The following SLC25A48 variants were observed in gnomAD, a reference collection of about 807,000 sequenced individuals.
SLC25A48 encodes the protein solute carrier family 25 member 48.
In SLC25A48, 29 loss-of-function variants were observed where a neutral mutation model predicts 32.2. The ratio of observed to expected loss-of-function variants is 0.90; its 90% CI spans 0.67 to 1.23. The LOEUF is 1.23. SLC25A48 is among the 50% of genes most tolerant of loss of function. SLC25A48 has a pLI of 0.00. For synonymous variants in SLC25A48, 164 were observed against 172.3 expected, an observed-to-expected ratio of 0.95 and a Z score of 0.38; for missense variants, 399 against 422.7, an observed-to-expected ratio of 0.94 and a Z score of 0.49.
chr5:135,623,285 C>T (rs1164462445), intron 1 of SLC25A48, among the ~76,000 whole-genome samples: 1 of 152,234 alleles, frequency 6.6e-6, no homozygotes, highest in Non-Finnish European at 1.5e-5. Flanking sequence ...CTCCTCTTAA[C>T]TCCCCATTTT....
chr5:135,793,847 T>A (rs1011799680), intron 3 of SLC25A48, among the ~76,000 whole-genome samples: 1 of 151,412 alleles, frequency 6.6e-6, no homozygotes, highest in Non-Finnish European at 1.5e-5. Context: ...GGATATTATT[T>A]GTAATATCAT....
At chr5:135,657,827 T>G (rs1184811959) in intron 3 of SLC25A48, among the ~76,000 whole-genome samples, 2 of 152,202 alleles carry the variant, frequency 1.3e-5, no homozygotes, top group African/African-American at 4.8e-5. Flanking sequence ...CTTCCTCTCT[T>G]TACTGTAGAC....
chr5:135,857,746 G>C (rs188316454), intron 4 of SLC25A48, among the ~76,000 whole-genome samples: 1 of 152,188 alleles, frequency 6.6e-6, no homozygotes, highest in Non-Finnish European at 1.5e-5. Context: ...GGTGGGAGAA[G>C]GGCTGGGAGG....
At chr5:135,663,737 G>A (rs1426863459) in intron 3 of SLC25A48, among the ~76,000 whole-genome samples, 1 of 152,174 alleles carries the variant, frequency 6.6e-6, no homozygotes, top group Non-Finnish European at 1.5e-5. Context: ...ACTTTTTACA[G>A]GACCAGACTG....
upstream of SLC25A48, among the ~76,000 whole-genome samples, chr5:135,830,204 C>A (rs1758167179): frequency 6.6e-6 from 1 of 152,136 alleles, no homozygotes; most frequent in South Asian, 2.1e-4. Flanking sequence ...GCAAACCGGG[C>A]CAGGAAACTA....
At chr5:135,590,342 A>G (rs972378917) in intron 1 of SLC25A48, among the ~76,000 whole-genome samples, 2 of 152,112 alleles carry the variant, frequency 1.3e-5, no homozygotes, top group African/African-American at 2.4e-5. Context: ...AGAACCCTGA[A>G]GAGCTGGAGG....
chr5:135,834,659 C>A, upstream of SLC25A48: 6 of 609,860 alleles, frequency 9.8e-6, no homozygotes, highest in Non-Finnish European at 1.7e-5. Context: ...AGCCGCCCTC[C>A]GGCACTTGGA....
intron 3 of SLC25A48, among the ~76,000 whole-genome samples, chr5:135,660,954 A>G (rs6866563): frequency 0.47 from 70,938 of 152,074 alleles, 17,079 homozygotes; most frequent in South Asian, 0.53. Flanking sequence ...GTCTGAAGCT[A>G]TGCTGGACAG....
chr5:135,804,288 A>C (rs1245618062), intron 3 of SLC25A48, among the ~76,000 whole-genome samples: 2 of 151,752 alleles, frequency 1.3e-5, no homozygotes, highest in Non-Finnish European at 3.0e-5. Flanking sequence ...AGATATTACA[A>C]ATAATGTCAC....
At chr5:135,884,879 GC>G (rs61416861) in intron 7 of SLC25A48, among the ~76,000 whole-genome samples, 37,344 of 152,002 alleles carry the variant, frequency 0.25, 5,548 homozygotes, top group African/African-American at 0.42. Flanking sequence ...AGGTGTCTGA[GC>G]TTTTCCTAGT....
At position 135,877,532 on chromosome 5, in the gene SLC25A48, A is replaced by G. The variant is rs575909745; in HGVS notation, c.814-2436A>G. Among the ~76,000 whole-genome samples the G allele has an allele frequency of 1.3e-5, 2 of 152,252 alleles. 1 individual carries two copies. The highest frequency in any genetic ancestry group is 4.2e-4 in the South Asian group (2 of 4,814). On this transcript the variant is annotated intron_variant, in intron 6 of 7. Coordinates refer to ENST00000681962, the MANE Select transcript of SLC25A48 (RefSeq NM_001349336.2). The stretch of plus-strand genomic sequence containing the variant: ...TCTTCCTTTGTCACGTCCAAAATTC[A>G]TTTATTCATTCATTCATTTACTCAT...
intron 1 of SLC25A48, among the ~76,000 whole-genome samples, chr5:135,625,723 A>G (rs1171506090): frequency 6.6e-6 from 1 of 152,128 alleles, no homozygotes; most frequent in African/African-American, 2.4e-5. Flanking sequence ...GCCCCCAGGT[A>G]GAACAGGGGG....
intron 3 of SLC25A48, among the ~76,000 whole-genome samples, chr5:135,705,711 A>G (rs1036330196): frequency 2.0e-5 from 3 of 152,188 alleles, no homozygotes; most frequent in African/African-American, 7.2e-5. Context: ...AAACAGTGCA[A>G]GTTTGAACAA....
intron 3 of SLC25A48, among the ~76,000 whole-genome samples, chr5:135,702,392 G>A (rs1754414597): frequency 6.6e-6 from 1 of 152,220 alleles, no homozygotes; most frequent in Admixed American, 6.5e-5. Flanking sequence ...AGGCAGGGAT[G>A]GGAGTGATGC....
intron 3 of SLC25A48, among the ~76,000 whole-genome samples, chr5:135,776,719 C>T (rs1287851920): frequency 6.6e-6 from 1 of 150,728 alleles, no homozygotes; most frequent in Non-Finnish European, 1.5e-5. Context: ...TGATATTGTT[C>T]CTAAAACCCG....
Position 135,786,921 on chromosome 5 carries a change from T to A in SLC25A48, c.-520-25602T>A, listed in dbSNP as rs1756862823. On this transcript the variant is annotated intron_variant, in intron 3 of 10. Coordinates refer to the SLC25A48 transcript ENST00000646290. ...GTGTACACCATGTGTGTACATCCTGTGATATTATTTGTAAAATCCTAGGTG... is the reference window on the plus strand; with the variant it reads ...GTGTACACCATGTGTGTACATCCTGAGATATTATTTGTAAAATCCTAGGTG... Among the ~76,000 whole-genome samples, 3 of 152,104 alleles carry A rather than the reference T, an allele frequency of 2.0e-5. No individual in the cohort carries two copies. The South Asian group carries it at 6.2e-4, about 31-fold the overall frequency.
intron 3 of SLC25A48, among the ~76,000 whole-genome samples, chr5:135,729,043 G>T (rs1419233609): frequency 1.3e-5 from 2 of 152,040 alleles, no homozygotes; most frequent in Non-Finnish European, 2.9e-5. Context: ...TGCGAAACGG[G>T]TCCTGTGCTT....
chr5:135,580,391 C>G (rs543271203), intron 1 of SLC25A48, among the ~76,000 whole-genome samples: 1 of 152,314 alleles, frequency 6.6e-6, no homozygotes, highest in East Asian at 1.9e-4. Context: ...GCTCACCCAG[C>G]TCTATGCCAT....
intron 3 of SLC25A48, among the ~76,000 whole-genome samples, chr5:135,752,555 T>C (rs1755795078): frequency 6.6e-6 from 1 of 151,958 alleles, no homozygotes; most frequent in South Asian, 2.1e-4. Context: ...GGTTTCCCAC[T>C]GTTATATTAG....
Sources: allele counts gnomAD v4.1 joint callset (sites outside exome capture counted in the v4.1 genomes callset), GRCh38; gene constraint gnomAD v4.1.1; transcripts MANE v1.5; gene names NCBI Gene and HGNC (gene_info 2026-07-23, HGNC 2026-07-21).